Variants in MDH1B observed in about 807,000 individuals in gnomAD.
MDH1B encodes the protein malate dehydrogenase 1B.
Under a neutral mutation model 61.4 loss-of-function variants are expected in MDH1B, and 60 were observed. The observed-to-expected ratio is 0.98, with a 90% confidence interval of 0.79 to 1.21. The LOEUF (loss-of-function observed/expected upper bound fraction) is 1.21. MDH1B is among the 50% of genes most tolerant of loss of function. The pLI is 0.00. For synonymous variants in MDH1B, 236 were observed against 218.7 expected, an observed-to-expected ratio of 1.08 and a Z score of -0.70; for missense variants, 587 against 632.1, an observed-to-expected ratio of 0.93 and a Z score of 0.76.
At chr2:206,755,652 G>T in intron 4 of MDH1B, 147 bp from the exon 5 acceptor site, 1 of 1,043,102 alleles carries the variant, frequency 9.6e-7, no homozygotes, top group Non-Finnish European at 1.3e-6. Context: ...ACATTCTAAG[G>T]CTAGAAGTCA....
chr2:206,754,488 T>G (rs1688641562), intron 5 of MDH1B, among the ~76,000 whole-genome samples: 1 of 152,212 alleles, frequency 6.6e-6, no homozygotes, highest in Non-Finnish European at 1.5e-5. Context: ...TCCTTAGAAA[T>G]GTTTATTATG....
intron 1 of MDH1B, among the ~76,000 whole-genome samples, chr2:206,762,699 C>A (rs973252228): frequency 2.0e-5 from 3 of 152,236 alleles, no homozygotes; most frequent in Non-Finnish European, 2.9e-5. Flanking sequence ...TATTTCTCAC[C>A]CACTGCAATG....
At chr2:206,743,283 A>C (rs757867039) in intron 9 of MDH1B, among the ~76,000 whole-genome samples, 1 of 152,180 alleles carries the variant, frequency 6.6e-6, no homozygotes, top group Non-Finnish European at 1.5e-5. Flanking sequence ...TTCAGGTATC[A>C]TTTTATCTGA....
At chr2:206,745,265 C>A (rs552467087) in intron 9 of MDH1B, 13 of 415,546 alleles carry the variant, frequency 3.1e-5, no homozygotes, top group African/African-American at 1.8e-4. Context: ...GAGAGTGTGG[C>A]CCTGCTGATA....
At position 206,745,625 on chromosome 2, in the gene MDH1B, A is replaced by C. The variant is rs770915112; in HGVS notation, c.1405T>G (p.Ser469Ala). ...AACATCACGTCTAAGAGCTTACCTG[A>C]TTGGTATGGCTGAAAATGTATCTTG... is the stretch of plus-strand genomic sequence containing the variant. ...GDKIHFQPYQSGHKDLVPDEE... is the reference protein window; with the variant it reads ...GDKIHFQPYQAGHKDLVPDEE... The change falls in exon 9 of 12, where the codon TCA (serine) becomes GCA (alanine). Residue 469 changes from serine to alanine, a missense_variant. Coordinates refer to ENST00000374412, the MANE Select transcript of MDH1B (RefSeq NM_001039845.3). The C allele has an allele frequency of 1.2e-6, 2 of 1,609,578 alleles. No homozygotes were observed. Among genetic ancestry groups the C allele is most frequent in the South Asian group, 2.2e-5 (2 of 90,092 alleles).
intron 9 of MDH1B, among the ~76,000 whole-genome samples, chr2:206,743,336 G>A (rs1426234531): frequency 6.6e-6 from 1 of 152,104 alleles, no homozygotes; most frequent in Admixed American, 6.6e-5. Context: ...CCTTGTTCTT[G>A]AAACACCCTC....
chr2:206,752,990 C>T (rs1458263668), intron 5 of MDH1B, among the ~76,000 whole-genome samples: 2 of 151,978 alleles, frequency 1.3e-5, no homozygotes, highest in Admixed American at 6.5e-5. Context: ...CAGTCCAAGC[C>T]TGGACGAGGA....
At chr2:206,759,582 A>T (rs1688972439) in intron 2 of MDH1B, among the ~76,000 whole-genome samples, 1 of 152,180 alleles carries the variant, frequency 6.6e-6, no homozygotes, top group Non-Finnish European at 1.5e-5. Flanking sequence ...TTTTCTCCAC[A>T]ACCTCGCCAG....
At chr2:206,760,721 G>GA (rs1181811922) in intron 2 of MDH1B, among the ~76,000 whole-genome samples, 180 bp downstream of exon 2, 7 of 152,046 alleles carry the variant, frequency 4.6e-5, no homozygotes, top group Admixed American at 1.3e-4. Flanking sequence ...AGGTATTAGG[G>GA]AAAAAACATA....
Position 206,756,953 on chromosome 2 carries a change from GCT to G in MDH1B, c.356_357del (p.Glu119AlafsTer45). 1 of 1,614,036 alleles carries G rather than the reference GCT, an allele frequency of 6.2e-7. No homozygotes were observed. Among genetic ancestry groups the G allele is most frequent in the Non-Finnish European group, 8.5e-7 (1 of 1,179,988 alleles). On this transcript the variant is annotated frameshift_variant, in exon 4 of 12. Coordinates refer to ENST00000374412, the MANE Select transcript of MDH1B (RefSeq NM_001039845.3). LOFTEE classifies it high-confidence loss of function. ...QENLGAHIEK[E>X]QEEEALKTCI... ...CAAGTTTTCAGGGCTTCTTCCTCCT[GCT>G]CTTTTTCTATATGTGCCCCCAGGTT...
intron 2 of MDH1B, 91 bp from the exon 3 acceptor site, chr2:206,757,462 T>C (rs892505176): frequency 1.6e-6 from 2 of 1,281,764 alleles, no homozygotes; most frequent in Non-Finnish European, 2.2e-6. Context: ...AAATACTAGG[T>C]TGCTTTTAAT....
In MDH1B at chr2:206,745,667, G is replaced by A. The variant is rs762979183; in HGVS notation, c.1363C>T (p.Leu455Phe). 6.2e-7 allele frequency: 1 copy of A among 1,604,094 alleles called. No homozygotes were observed. The highest frequency in any genetic ancestry group is 8.5e-7 in the Non-Finnish European group (1 of 1,173,586). Residue 455 changes from leucine (L) to phenylalanine (F), a missense_variant, in exon 9 of 12, where the codon CTT (leucine) becomes TTT (phenylalanine). Transcript: ENST00000374412. ...RMTSDLIQEK[L>F]VALGDKIHFQ... ...TGTATCTTGTCTCCAAGTGCAACAAGTTTCTCCTGTTGAAATTTTATAATC... is the reference window on the plus strand; with the variant it reads ...TGTATCTTGTCTCCAAGTGCAACAAATTTCTCCTGTTGAAATTTTATAATC...
intron 1 of MDH1B, among the ~76,000 whole-genome samples, chr2:206,763,649 C>T (rs1190739715): frequency 6.6e-6 from 1 of 152,158 alleles, no homozygotes; most frequent in East Asian, 1.9e-4. Flanking sequence ...TAACTCTAGC[C>T]TCACCTTATG....
chr2:206,757,157 T>C, intron 3 of MDH1B, 80 bp downstream of exon 3: 1 of 1,528,774 alleles, frequency 6.5e-7, no homozygotes, highest in Non-Finnish European at 8.9e-7. Flanking sequence ...TGAGAGAATG[T>C]CTCAGAAAGC....
At chr2:206,749,383 A>G (rs1471921638) in intron 6 of MDH1B, among the ~76,000 whole-genome samples, 200 bp from the exon 7 acceptor site, 2 of 152,194 alleles carry the variant, frequency 1.3e-5, no homozygotes, top group East Asian at 3.8e-4. Context: ...TGTAGTAGAA[A>G]GGAGTCCCAA....
chr2:206,746,516 A>G, intron 7 of MDH1B, 90 bp from the exon 8 acceptor site: 3 of 1,330,024 alleles, frequency 2.3e-6, no homozygotes, highest in South Asian at 1.6e-5. Context: ...TGACAGACAT[A>G]GTATAGGATT....
rs762979183 is a variant in MDH1B at position 206,745,667 on chromosome 2, G to C, written c.1363C>G (p.Leu455Val). 1 of 1,604,094 alleles carries C rather than the reference G, an allele frequency of 6.2e-7. No homozygotes were observed. Among genetic ancestry groups the C allele is most frequent in the Non-Finnish European group, 8.5e-7 (1 of 1,173,586 alleles). ...RMTSDLIQEK[L>V]VALGDKIHFQ... is the part of the protein sequence containing the mutation. ...TGTATCTTGTCTCCAAGTGCAACAA[G>C]TTTCTCCTGTTGAAATTTTATAATC... Residue 455 changes from leucine (L) to valine (V), a missense_variant, in exon 9 of 12, where the codon CTT becomes GTT. Leu to Val is a conservative substitution (Grantham distance 32). Coordinates refer to ENST00000374412, the MANE Select transcript of MDH1B (RefSeq NM_001039845.3).
At chr2:206,761,165 CTGA>C in intron 1 of MDH1B, 152 bp from the exon 2 acceptor site, 1 of 472,426 alleles carries the variant, frequency 2.1e-6, no homozygotes, top group Non-Finnish European at 3.8e-6. Context: ...ACATAAACTT[CTGA>C]TGTTTATTAG....
intron 1 of MDH1B, among the ~76,000 whole-genome samples, chr2:206,762,107 C>A (rs1180063862): frequency 6.6e-6 from 1 of 152,126 alleles, no homozygotes; most frequent in African/African-American, 2.4e-5. Flanking sequence ...CTTTAATTGG[C>A]CCTCAACCCT....
Sources: allele counts gnomAD v4.1 joint callset (sites outside exome capture counted in the v4.1 genomes callset), GRCh38; gene constraint gnomAD v4.1.1; transcripts MANE v1.5; gene names NCBI Gene and HGNC (gene_info 2026-07-23, HGNC 2026-07-21).